Variants in BCL7C observed in about 807,000 individuals in gnomAD.
BCL7C encodes B-cell CLL/lymphoma 7 protein family member C.
BCL7C carries 8 observed loss-of-function variants against 26.2 expected under a neutral mutation model. That is an observed-to-expected ratio of 0.30 (90% confidence interval 0.18 to 0.55). The LOEUF (loss-of-function observed/expected upper bound fraction) is 0.55. BCL7C is among the 20% of genes least tolerant of loss of function. The pLI is 0.93. For missense variants in BCL7C, 262 were observed against 298.5 expected (o/e 0.88, Z 0.90); for synonymous variants, 90 against 116.5 (o/e 0.77, Z 1.47).
At chr16:30,854,330 C>A (rs1877042377) in intron 5 of BCL7C, among the ~76,000 whole-genome samples, 1 of 152,288 alleles carries the variant, frequency 6.6e-6, no homozygotes, top group South Asian at 2.1e-4. Flanking sequence ...TTCAGGATTG[C>A]ATCTTGGAAG....
chr16:30,854,056 C>T (rs1156999634), intron 5 of BCL7C, among the ~76,000 whole-genome samples: 2 of 152,146 alleles, frequency 1.3e-5, no homozygotes, highest in African/African-American at 4.8e-5. Flanking sequence ...AGAATTGTCT[C>T]AGTGGCTTCT....
At position 30,892,952 on chromosome 16, in the gene BCL7C, G is replaced by C. The variant is rs529563945; in HGVS notation, c.172-4C>G. On this transcript the variant is annotated splice_polypyrimidine_tract_variant and splice_region_variant and intron_variant, in intron 2 of 5. Coordinates refer to ENST00000215115, the MANE Select transcript of BCL7C (RefSeq NM_004765.4). The stretch of plus-strand genomic sequence containing the variant: ...CGCCACCTGCCCGCCTTCGCTCCTG[G>C]GGGTTAGAGGATTAGGGTCAGAGCT... 1 of 1,611,370 alleles carries C rather than the reference G, an allele frequency of 6.2e-7. No homozygotes were observed. Among genetic ancestry groups the C allele is most frequent in the African/African-American group, 1.3e-5 (1 of 75,028 alleles).
chr16:30,892,756 G>A lies in BCL7C; in HGVS notation c.281-9C>T. 6.2e-7 allele frequency: 1 copy of A among 1,614,164 alleles called. No homozygotes were observed. The highest frequency in any genetic ancestry group is 1.1e-5 in the South Asian group (1 of 91,092). ...CTGGTTGCTGTTCTCATCTGCGGGA[G>A]CAAGAGCCGAGATGGTTGGCCTGAG... On this transcript the variant is annotated splice_polypyrimidine_tract_variant and intron_variant, in intron 3 of 5. Transcript: ENST00000215115.
At chr16:30,836,841 T>G (rs1338256635) in intron 5 of BCL7C, among the ~76,000 whole-genome samples, 1 of 151,564 alleles carries the variant, frequency 6.6e-6, no homozygotes, top group Admixed American at 6.6e-5. Flanking sequence ...TCACCCAGGC[T>G]GGAGTGCAAT....
intron 5 of BCL7C, chr16:30,875,456 C>G (rs1263213943): frequency 6.6e-6 from 1 of 152,484 alleles, no homozygotes; most frequent in African/African-American, 2.4e-5. Flanking sequence ...GGCTGCGCCG[C>G]CGGCCTTTGT....
At chr16:30,844,792 A>G (rs2151360680) in intron 5 of BCL7C, among the ~76,000 whole-genome samples, 1 of 152,034 alleles carries the variant, frequency 6.6e-6, no homozygotes, top group Non-Finnish European at 1.5e-5. Context: ...TCTAAATGTC[A>G]CCCTCCAGTA....
chr16:30,839,946 G>A (rs1193037600), intron 5 of BCL7C, among the ~76,000 whole-genome samples: 1 of 152,208 alleles, frequency 6.6e-6, no homozygotes, highest in East Asian at 1.9e-4. Flanking sequence ...AATCCCTCCA[G>A]GAGAGGACTC....
At position 30,874,968 on chromosome 16, in the gene BCL7C, G is replaced by A. The variant is rs372337184; in HGVS notation, c.528+13892C>T. ...GGAGACCGGGAATGGCTCCGGCCAC[G>A]CCTCTGCCGACTGCGGCAACGCGAG... On this transcript the variant is annotated intron_variant, in intron 5 of 5. Coordinates refer to the BCL7C transcript ENST00000380317. Among the ~76,000 whole-genome samples, 76 of 152,292 alleles carry A rather than the reference G, an allele frequency of 5.0e-4. 1 individual carries two copies. The highest frequency in any genetic ancestry group is 1.8e-3 in the African/African-American group (74 of 41,580).
At chr16:30,879,485 A>G (rs2055005389) in intron 5 of BCL7C, among the ~76,000 whole-genome samples, 1 of 151,950 alleles carries the variant, frequency 6.6e-6, no homozygotes, top group African/African-American at 2.4e-5. Flanking sequence ...AGTAAAAGAA[A>G]ACAGATGCAA....
chr16:30,892,533 C>G (rs2055263433), intron 4 of BCL7C, 53 bp downstream of exon 4: 1 of 1,511,302 alleles, frequency 6.6e-7, no homozygotes, highest in African/African-American at 1.4e-5. Context: ...AGGTTAGACT[C>G]TGGAGAAGAC....
At chr16:30,870,034 A>G (rs1359652602) in intron 5 of BCL7C, among the ~76,000 whole-genome samples, 3 of 152,130 alleles carry the variant, frequency 2.0e-5, no homozygotes, top group Non-Finnish European at 2.9e-5. Context: ...TCTATCTCAT[A>G]TATCTATATA....
Position 30,868,831 on chromosome 16 carries a change from C to T in BCL7C, c.528+20029G>A, listed in dbSNP as rs572147261. Among the ~76,000 whole-genome samples the T allele has an allele frequency of 6.6e-5, 10 of 151,100 alleles. No homozygotes were observed. In the South Asian group the frequency reaches 1.0e-3, roughly 16 times the overall value. On this transcript the variant is annotated intron_variant, in intron 5 of 5. Transcript: ENST00000380317. ...GCAACAACAAAGAAAAAGAACAGAA[C>T]GGAAAAGAAAAATAATACAACAGCA...
intron 4 of BCL7C, among the ~76,000 whole-genome samples, chr16:30,892,182 G>A (rs568655889): frequency 8.9e-4 from 126 of 141,056 alleles, no homozygotes; most frequent in African/African-American, 3.2e-3. Context: ...CGGGAGGATC[G>A]CTTGAGCCCA....
intron 5 of BCL7C, among the ~76,000 whole-genome samples, chr16:30,880,760 A>G (rs1032089286): frequency 6.6e-6 from 1 of 151,982 alleles, no homozygotes; most frequent in Non-Finnish European, 1.5e-5. Context: ...GTGCAGTGGT[A>G]CAATCATAGC....
intron 5 of BCL7C, among the ~76,000 whole-genome samples, chr16:30,856,097 A>T (rs2054719322): frequency 6.6e-6 from 1 of 151,450 alleles, no homozygotes. Context: ...AGTTATAAAT[A>T]AAACTTTCTA....
chr16:30,881,119 G>A (rs1315298764), intron 5 of BCL7C, among the ~76,000 whole-genome samples: 3 of 152,084 alleles, frequency 2.0e-5, no homozygotes, highest in African/African-American at 4.8e-5. Context: ...CCTGCAGGCC[G>A]GGTGCCGTGG....
chr16:30,869,557 G>A (rs1489795313), intron 5 of BCL7C, among the ~76,000 whole-genome samples: 1 of 148,742 alleles, frequency 6.7e-6, no homozygotes, highest in Middle Eastern at 3.6e-3. Flanking sequence ...TGTTGCCCAG[G>A]CTGGAGTGCA....
Position 30,893,807 on chromosome 16 carries a change from T to C in BCL7C, c.92+46A>G. 6.4e-7 allele frequency: 1 copy of C among 1,560,848 alleles called. No individual in the cohort carries two copies. Among genetic ancestry groups the C allele is most frequent in the Non-Finnish European group, 8.7e-7 (1 of 1,146,558 alleles). Reference sequence around the variant, plus strand: ...AGGGCAGCGTAGACGCCTTTGGTGCTGGTGGTCCCGCTGTGTCCCGTCCCT... The same window carrying C: ...AGGGCAGCGTAGACGCCTTTGGTGCCGGTGGTCCCGCTGTGTCCCGTCCCT... On this transcript the variant is annotated intron_variant, in intron 1 of 5. Transcript: ENST00000215115. The surrounding 1 kb of genome is among the most constrained non-coding windows in gnomAD (Gnocchi z 5.2).
chr16:30,861,139 C>T (rs2054768396), intron 5 of BCL7C, among the ~76,000 whole-genome samples: 1 of 152,114 alleles, frequency 6.6e-6, no homozygotes, highest in Admixed American at 6.6e-5. Context: ...AGTCCATGGC[C>T]CGTTTGGCAA....
Sources: allele counts gnomAD v4.1 joint callset (sites outside exome capture counted in the v4.1 genomes callset), GRCh38; gene constraint gnomAD v4.1.1; non-coding constraint Gnocchi (gnomAD v3.1); transcripts MANE v1.5; gene names NCBI Gene and HGNC (gene_info 2026-07-23, HGNC 2026-07-21).